Variants in KDM6A observed in about 807,000 individuals in gnomAD.
KDM6A encodes lysine-specific demethylase 6A.
In KDM6A, 11 loss-of-function variants were observed where a neutral mutation model predicts 117.6. The observed-to-expected ratio is 0.09, with a 90% CI of 0.06 to 0.15. The LOEUF (loss-of-function observed/expected upper bound fraction) is 0.15. Ranked by LOEUF, KDM6A falls within the 10% of genes least tolerant of loss-of-function variation. The pLI is 1.00. For missense variants in KDM6A, 799 were observed against 1,077.3 expected, an observed-to-expected ratio of 0.74 and a Z score of 3.62; for synonymous variants, 384 against 396.1, an observed-to-expected ratio of 0.97 and a Z score of 0.36.
At chrX:44,901,440 G>A (rs896180776) in intron 2 of KDM6A, among the ~76,000 whole-genome samples, 1 of 111,157 alleles carries the variant, frequency 9.0e-6, no homozygotes, top group African/African-American at 3.3e-5. Context: ...ATACACTTGA[G>A]TAGAATGTGT....
rs1269514809 is a variant in KDM6A, at chrX:45,050,558, C to T, written c.655-1151C>T. Among the ~76,000 whole-genome samples, 3 of 111,274 alleles carry T rather than the reference C, an allele frequency of 2.7e-5. 1 individual carries two copies. The Admixed American group carries it at 2.9e-4, about 11-fold the overall frequency. On this transcript the variant is annotated intron_variant, in intron 8 of 29. Transcript: ENST00000611820. ...GTGAATTGCCTGAGGTTCATACAGC[C>T]TAGTTTTGTATTTCTACCTACTTTT...
intron 17 of KDM6A, among the ~76,000 whole-genome samples, chrX:45,067,656 T>G (rs1006375864): frequency 5.6e-5 from 5 of 89,871 alleles, no homozygotes; most frequent in Non-Finnish European, 1.0e-4. Context: ...TTTTTTTGTT[T>G]TTTTTTTTTT....
At chrX:44,946,111 T>A (rs1218208852) in intron 2 of KDM6A, among the ~76,000 whole-genome samples, 3 of 112,679 alleles carry the variant, frequency 2.7e-5, no homozygotes, top group African/African-American at 9.7e-5. Flanking sequence ...TTTTCTTTTC[T>A]TTCGAGATGA....
At chrX:45,064,311 GA>G (rs1304013363) in intron 17 of KDM6A, among the ~76,000 whole-genome samples, 2 of 111,422 alleles carry the variant, frequency 1.8e-5, no homozygotes, top group Non-Finnish European at 3.8e-5. Context: ...GAGTCTTCCA[GA>G]AGCTAGAGTT....
At chrX:44,905,677 G>A (rs770467051) in intron 2 of KDM6A, among the ~76,000 whole-genome samples, 2 of 111,945 alleles carry the variant, frequency 1.8e-5, no homozygotes, top group Admixed American at 9.5e-5. Flanking sequence ...GTCTGGTTAC[G>A]TTATCAGCTG....
intron 2 of KDM6A, among the ~76,000 whole-genome samples, chrX:44,897,649 A>G (rs2034004533): frequency 9.0e-6 from 1 of 111,503 alleles, no homozygotes; most frequent in Non-Finnish European, 1.9e-5. Context: ...GCTTGCTGTA[A>G]CCTCAAACTC....
intron 19 of KDM6A, among the ~76,000 whole-genome samples, chrX:45,077,520 T>C (rs1364894925): frequency 2.7e-5 from 3 of 110,702 alleles, no homozygotes; most frequent in Non-Finnish European, 5.7e-5. Flanking sequence ...GAGTTTGTTT[T>C]ATAGATTTAA....
chrX:44,902,773 T>G (rs2034435217), intron 2 of KDM6A, among the ~76,000 whole-genome samples: 1 of 112,210 alleles, frequency 8.9e-6, no homozygotes, highest in Non-Finnish European at 1.9e-5. Context: ...TTATAAATAA[T>G]AGAACTTTAT....
At chrX:45,033,288 A>G (rs1419355236) in intron 6 of KDM6A, among the ~76,000 whole-genome samples, 2 of 112,312 alleles carry the variant, frequency 1.8e-5, no homozygotes, top group Admixed American at 1.9e-4. Flanking sequence ...GTAGCACACT[A>G]AAGGGATGTT....
At chrX:45,076,882 C>A in intron 19 of KDM6A, 56 bp downstream of exon 19, 4 of 1,048,250 alleles carry the variant, frequency 3.8e-6, no homozygotes, top group Non-Finnish European at 4.0e-6. Flanking sequence ...ACCTGTCTTT[C>A]ATAAAATCTT....
chrX:44,989,385 G>A (rs895061085), intron 4 of KDM6A, among the ~76,000 whole-genome samples: 1 of 107,121 alleles, frequency 9.3e-6, no homozygotes, highest in Non-Finnish European at 1.9e-5. Flanking sequence ...TTCGGCTCAC[G>A]CTCAGTGGGC....
chrX:45,087,590 G>T (rs1414222619), intron 25 of KDM6A, among the ~76,000 whole-genome samples: 1 of 111,812 alleles, frequency 8.9e-6, no homozygotes, highest in African/African-American at 3.3e-5. Context: ...ATTGTTATAT[G>T]GGAAATCTCC....
chrX:44,969,062 TAGAC>T (rs1031952632), intron 3 of KDM6A, among the ~76,000 whole-genome samples: 40 of 110,424 alleles, frequency 3.6e-4, no homozygotes, highest in Non-Finnish European at 7.2e-4. Context: ...ACTTAAAGGA[TAGAC>T]AGTAAGAACT....
chrX:44,987,687 GA>G (rs2040313779), intron 4 of KDM6A, among the ~76,000 whole-genome samples: 1 of 111,486 alleles, frequency 9.0e-6, no homozygotes, highest in Non-Finnish European at 1.9e-5. Flanking sequence ...GGCTGGATAT[GA>G]AATTCTGGGT....
At position 45,063,500 on chromosome X, in the gene KDM6A, A is replaced by C. The variant is rs1290568312; in HGVS notation, c.1762A>C (p.Asn588His). 6.6e-6 allele frequency: 8 copies of C among 1,208,576 alleles called. No homozygotes were observed. The highest frequency in any genetic ancestry group is 8.9e-6 in the Non-Finnish European group (8 of 894,783). The change falls in exon 17 of 30, where the codon AAC becomes CAC. Residue 588 changes from asparagine to histidine, a missense_variant. Around this residue, in one of 8 missense-constraint regions of KDM6A, gnomAD observed 301 missense variants for 318.3 expected, o/e 0.95. Transcript: ENST00000611820. The part of the protein sequence containing the change: ...GPTADSSLPT[N>H]SVSGQQPQLA... ...AACAGCTGACTCATCACTGCCTACA[A>C]ACTCAGTCTCTGGCCAGCAGCCACA...
At chrX:44,881,206 G>A (rs957196766) in intron 2 of KDM6A, among the ~76,000 whole-genome samples, 2 of 112,713 alleles carry the variant, frequency 1.8e-5, no homozygotes, top group Non-Finnish European at 3.8e-5. Flanking sequence ...AGGCCGAGGC[G>A]GGCATCACGA....
chrX:44,888,134 G>A (rs1321725789), intron 2 of KDM6A, among the ~76,000 whole-genome samples: 1 of 111,261 alleles, frequency 9.0e-6, no homozygotes, highest in Non-Finnish European at 1.9e-5. Flanking sequence ...GTGAAACCTC[G>A]TCTCTACTAA....
rs184511707 is a variant in KDM6A, at chrX:44,944,023, A to G, written c.226-17261A>G. 4.1e-3 allele frequency among the ~76,000 whole-genome samples: 456 copies of G among 111,130 alleles called. 4 individuals carry two copies. Among genetic ancestry groups the G allele is most frequent in the African/African-American group, 0.014 (435 of 30,561 alleles). ...TATAGTGGTACCTCATTATGGTTTT[A>G]ATTGATTTCTGTAGCTTTATAATAG... On this transcript the variant is annotated intron_variant, in intron 2 of 29. Coordinates refer to ENST00000611820, the MANE Select transcript of KDM6A (RefSeq NM_001291415.2).
At chrX:44,903,539 CCTT>C (rs1171208757) in intron 2 of KDM6A, among the ~76,000 whole-genome samples, 6 of 111,293 alleles carry the variant, frequency 5.4e-5, no homozygotes, top group African/African-American at 1.3e-4. Flanking sequence ...TTTCCCCTCT[CCTT>C]CTTCTGTGAC....
Sources: allele counts gnomAD v4.1 joint callset (sites outside exome capture counted in the v4.1 genomes callset), GRCh38; gene constraint gnomAD v4.1.1; regional missense constraint gnomAD v4.1.1; transcripts MANE v1.5; gene names NCBI Gene and HGNC (gene_info 2026-07-23, HGNC 2026-07-21).